The following KIF3A variants were observed in gnomAD, a reference collection of about 807,000 sequenced individuals.
KIF3A encodes the protein kinesin-like protein KIF3A.
Under a neutral mutation model 92.6 loss-of-function variants are expected in KIF3A, and 27 were observed. The observed-to-expected ratio is 0.29, with a 90% CI of 0.21 to 0.40. The LOEUF is 0.40. Among genes scored for constraint, KIF3A ranks in the 10% least tolerant of loss-of-function variants. The probability of loss-of-function intolerance (pLI) is 1.00; values close to 1 mark genes in which losing one functional copy is unlikely to be tolerated. For missense variants in KIF3A, 581 were observed against 872.6 expected, an observed-to-expected ratio of 0.67 and a Z score of 4.21; for synonymous variants, 250 against 275.4, an observed-to-expected ratio of 0.91 and a Z score of 0.92.
chr5:132,722,882 C>T (rs1041071327), intron 4 of KIF3A, among the ~76,000 whole-genome samples: 2 of 152,090 alleles, frequency 1.3e-5, no homozygotes, highest in Non-Finnish European at 2.9e-5. Flanking sequence ...ATTCTATATG[C>T]CTCTATTTTA....
intron 14 of KIF3A, 66 bp downstream of exon 14, chr5:132,702,492 T>A: frequency 1.1e-6 from 1 of 895,482 alleles, no homozygotes; most frequent in Non-Finnish European, 1.7e-6. Context: ...TATAAATTCT[T>A]AATCAAAGAA....
At chr5:132,703,161 A>G in intron 12 of KIF3A, 96 bp from the exon 13 acceptor site, 1 of 1,037,588 alleles carries the variant, frequency 9.6e-7, no homozygotes, top group Non-Finnish European at 1.4e-6. Flanking sequence ...TACAATTTCA[A>G]AATAGAAATA....
chr5:132,700,810 T>C (rs1753011123), intron 15 of KIF3A, 110 bp from the exon 16 acceptor site: 2 of 659,560 alleles, frequency 3.0e-6, no homozygotes, highest in East Asian at 5.6e-5. Flanking sequence ...TCTCAAAACA[T>C]TATATACTGA....
intron 10 of KIF3A, among the ~76,000 whole-genome samples, chr5:132,707,416 T>C (rs1024055592): frequency 9.2e-5 from 14 of 152,192 alleles, no homozygotes; most frequent in Non-Finnish European, 1.5e-4. Flanking sequence ...GGTACGCAAA[T>C]AGGAATTAAA....
chr5:132,702,006 AT>A (rs1753053979), intron 15 of KIF3A, 80 bp downstream of exon 15: 1 of 1,397,848 alleles, frequency 7.2e-7, no homozygotes, highest in Non-Finnish European at 9.8e-7. Flanking sequence ...AGTATTAAGT[AT>A]TTATCATCAG....
chr5:132,719,125 T>C (rs184142875), intron 5 of KIF3A, among the ~76,000 whole-genome samples: 33 of 152,362 alleles, frequency 2.2e-4, no homozygotes, highest in African/African-American at 7.9e-4. Context: ...GCCCTTCAAA[T>C]AGGCTGCACC....
chr5:132,715,719 T>C, intron 8 of KIF3A, 38 bp downstream of exon 8: 1 of 1,501,716 alleles, frequency 6.7e-7, no homozygotes, highest in Non-Finnish European at 9.1e-7. Context: ...AATGTATTTT[T>C]AGCCAACATA....
intron 5 of KIF3A, among the ~76,000 whole-genome samples, chr5:132,717,652 A>T (rs1290195151): frequency 6.6e-6 from 1 of 152,128 alleles, no homozygotes; most frequent in Non-Finnish European, 1.5e-5. Context: ...AAAAAAATCC[A>T]TTCAAAATAT....
chr5:132,724,793 A>AAT (rs1753948961), intron 4 of KIF3A, among the ~76,000 whole-genome samples: 1 of 15,432 alleles, frequency 6.5e-5, no homozygotes, highest in African/African-American at 3.0e-4. Flanking sequence ...AAAGTATAAT[A>AAT]AAAAAAAAAA....
chr5:132,713,285 A>C (rs1487671183), intron 8 of KIF3A, among the ~76,000 whole-genome samples: 2 of 152,202 alleles, frequency 1.3e-5, no homozygotes, highest in Non-Finnish European at 2.9e-5. Context: ...AAACTGGCCA[A>C]ATTTGAATAA....
intron 10 of KIF3A, among the ~76,000 whole-genome samples, chr5:132,707,404 T>C (rs1244581729): frequency 6.6e-6 from 1 of 152,198 alleles, no homozygotes; most frequent in African/African-American, 2.4e-5. Flanking sequence ...AATTATGTGC[T>C]AGGTACGCAA....
intron 10 of KIF3A, among the ~76,000 whole-genome samples, 184 bp from the exon 11 acceptor site, chr5:132,706,643 A>T (rs1318095729): frequency 6.6e-6 from 1 of 152,202 alleles, no homozygotes; most frequent in Non-Finnish European, 1.5e-5. Context: ...GTAAAAAGAA[A>T]GCATATTCAA....
In KIF3A at chr5:132,703,572, T is replaced by A. The variant is rs780396015; in HGVS notation, c.1357A>T (p.Ile453Phe). Reference sequence around the variant, plus strand: ...TCAAGTGCTTTTCTCTCCTCATCAATTTTTGCTTGCATTTCAATCATCTTG... The same window carrying A: ...TCAAGTGCTTTTCTCTCCTCATCAAATTTTGCTTGCATTTCAATCATCTTG... ...PDKMIEMQAK[I>F]DEERKALETK... is the part of the protein sequence containing the mutation. The change falls in exon 12 of 19, where the codon ATT (isoleucine) becomes TTT (phenylalanine). Residue 453 changes from isoleucine to phenylalanine, a missense_variant. Physicochemically the swap from Ile to Phe is conservative, Grantham distance 21. Transcript: ENST00000403231. 2 of 1,611,998 alleles carry A rather than the reference T, an allele frequency of 1.2e-6. No individual in the cohort carries two copies. The highest frequency in any genetic ancestry group is 1.7e-6 in the Non-Finnish European group (2 of 1,178,982).
chr5:132,714,256 T>C (rs1348677001), intron 8 of KIF3A, among the ~76,000 whole-genome samples: 2 of 152,138 alleles, frequency 1.3e-5, no homozygotes, highest in African/African-American at 2.4e-5. Context: ...AGAATGGTTG[T>C]TGGCCAGGAA....
intron 1 of KIF3A, among the ~76,000 whole-genome samples, chr5:132,735,939 C>T (rs1490060482): frequency 5.9e-5 from 9 of 152,222 alleles, no homozygotes; most frequent in Admixed American, 4.6e-4. Flanking sequence ...TGTCACCATG[C>T]TCCTCACCAC....
intron 4 of KIF3A, among the ~76,000 whole-genome samples, chr5:132,724,806 A>AATAT (rs1167332306): frequency 1.0e-3 from 23 of 22,646 alleles, no homozygotes; most frequent in East Asian, 1.7e-3. Flanking sequence ...AAAAAAAAAA[A>AATAT]ATATATATAT....
At chr5:132,709,658 A>T (rs1231951293) in intron 9 of KIF3A, among the ~76,000 whole-genome samples, 3 of 152,306 alleles carry the variant, frequency 2.0e-5, no homozygotes, top group South Asian at 4.1e-4. Flanking sequence ...TCTGTGAAAA[A>T]CTAGGTGTGA....
intron 10 of KIF3A, among the ~76,000 whole-genome samples, chr5:132,708,698 A>T (rs1753310759): frequency 6.6e-6 from 1 of 152,204 alleles, no homozygotes; most frequent in African/African-American, 2.4e-5. Flanking sequence ...CATTGTCTCA[A>T]ACATAAGCTA....
chr5:132,717,282 TG>T (rs1753659206), intron 5 of KIF3A, among the ~76,000 whole-genome samples: 1 of 152,148 alleles, frequency 6.6e-6, no homozygotes, highest in African/African-American at 2.4e-5. Flanking sequence ...CCACATTAAT[TG>T]GAAAAATTAT....
Sources: gnomAD v4.1 joint callset for allele counts (sites outside exome capture counted in the v4.1 genomes callset) on GRCh38, gnomAD v4.1.1 for gene constraint, MANE v1.5 for transcripts, NCBI Gene and HGNC (gene_info 2026-07-23, HGNC 2026-07-21) for gene names.